The following XRCC2 variants were observed in gnomAD, a reference collection of about 807,000 sequenced individuals.
XRCC2 encodes X-ray repair cross complementing 2, also known as DNA repair protein XRCC2.
In XRCC2, 24 loss-of-function variants were observed where a neutral mutation model predicts 27.3. That is an observed-to-expected ratio of 0.88 (90% CI 0.64 to 1.24). The LOEUF is 1.24. XRCC2 is among the 50% of genes most tolerant of loss of function. The pLI, the probability that XRCC2 is intolerant of heterozygous loss-of-function variation, is 0.00. For missense variants in XRCC2, 321 were observed against 325.8 expected (o/e 0.99, Z 0.11); for synonymous variants, 106 against 115.4 (o/e 0.92, Z 0.52).
intron 1 of XRCC2, among the ~76,000 whole-genome samples, chr7:152,670,110 TGA>T (rs2098037575): frequency 1.3e-5 from 2 of 152,286 alleles, no homozygotes; most frequent in South Asian, 4.1e-4. Context: ...AATTGTGTAC[TGA>T]GAGAGAAATG....
chr7:152,645,962 C>T lies in XRCC2; in HGVS notation c.*2680G>A, dbSNP rs2098025644. On this transcript the variant is annotated 3_prime_UTR_variant, in exon 3 of 3. Transcript: ENST00000359321. ...ATTTTAAAAACCAGCCTAAAACTGT[C>T]ATTTTAACTGGAGTCCTCAGTCCCT... 1 of 152,150 alleles carries T rather than the reference C, an allele frequency of 6.6e-6. No homozygotes were observed. Among genetic ancestry groups the T allele is most frequent in the East Asian group, 1.9e-4 (1 of 5,192 alleles). 9.4% of individuals were successfully genotyped at this position (152,150 alleles called of 1,614,324 possible). A position where few individuals can be genotyped will look rare whatever the true frequency, so the allele number is the denominator to read the frequency against.
intron 1 of XRCC2, 29 bp downstream of exon 1, chr7:152,676,012 T>G (rs2098040901): frequency 6.2e-7 from 1 of 1,613,104 alleles, no homozygotes; most frequent in Non-Finnish European, 8.5e-7. Context: ...TGTTCCCATC[T>G]CCCTCACTCC....
intron 2 of XRCC2, among the ~76,000 whole-genome samples, chr7:152,650,982 T>C (rs964328326): frequency 6.6e-6 from 1 of 152,200 alleles, no homozygotes; most frequent in African/African-American, 2.4e-5. Context: ...TTCTGTTGCC[T>C]AGGCTGGAGT....
In XRCC2 at chr7:152,648,691, A is replaced by T. The variant is rs771671971; in HGVS notation, c.794T>A (p.Leu265Ter). ...LVSRCLKSNS[L>*]KKHFFIIGES... The stretch of plus-strand genomic sequence containing the variant: ...TCCAATAATAAAAAAATGTTTTTTT[A>T]AACTGTTACTTTTTAAACAACGTGA... The change falls in exon 3 of 3, where the codon TTA (leucine) becomes TAA (stop). Residue 265 changes from leucine (L) to a stop codon, truncating the protein, a stop_gained. Transcript: ENST00000359321. LOFTEE classifies it high-confidence loss of function. 4 of 1,606,672 alleles carry T rather than the reference A, an allele frequency of 2.5e-6. No homozygotes were observed. Among genetic ancestry groups the T allele is most frequent in the Middle Eastern group, 1.7e-4 (1 of 6,002 alleles).
intron 1 of XRCC2, among the ~76,000 whole-genome samples, chr7:152,665,919 G>A (rs761817587): frequency 3.3e-5 from 5 of 152,102 alleles, no homozygotes; most frequent in African/African-American, 9.7e-5. Context: ...CTTTCCCAAC[G>A]TGACTTTCTC....
intron 1 of XRCC2, among the ~76,000 whole-genome samples, chr7:152,661,654 T>C (rs571141221): frequency 6.6e-6 from 1 of 152,214 alleles, no homozygotes; most frequent in South Asian, 2.1e-4. Context: ...TCCTAGATAC[T>C]GTAACAGCAC....
chr7:152,655,018 T>C (rs1357258648), intron 2 of XRCC2, among the ~76,000 whole-genome samples: 1 of 152,318 alleles, frequency 6.6e-6, no homozygotes, highest in South Asian at 2.1e-4. Flanking sequence ...TTCAATGTAC[T>C]TGAAGTCACC....
At chr7:152,649,858 T>C (rs1351683934) in intron 2 of XRCC2, among the ~76,000 whole-genome samples, 1 of 152,214 alleles carries the variant, frequency 6.6e-6, no homozygotes, top group Non-Finnish European at 1.5e-5. Context: ...CTGTTGATGA[T>C]TCTTTCCTAT....
intron 1 of XRCC2, among the ~76,000 whole-genome samples, chr7:152,662,668 G>A (rs1424638749): frequency 7.0e-6 from 1 of 143,270 alleles, no homozygotes; most frequent in Non-Finnish European, 1.5e-5. Context: ...CGCCTCCCGG[G>A]TTCACGCCAT....
rs749779141 is a variant in XRCC2 at position 152,648,751 on chromosome 7, T to C, written c.734A>G (p.Asp245Gly). 9 of 1,614,120 alleles carry C rather than the reference T, an allele frequency of 5.6e-6. No individual in the cohort carries two copies. The Admixed American group carries it at 6.7e-5, about 12-fold the overall frequency. Residue 245 changes from aspartate to glycine, a missense_variant, in exon 3 of 3, where the codon GAT (aspartate) becomes GGT (glycine). Coordinates refer to ENST00000359321, the MANE Select transcript of XRCC2 (RefSeq NM_005431.2). ...AAATTGGTTGCTGCTTTGAGAATCA[T>C]CTTGTTTGGAGAAAAACATCCTGTG... ...VKHRMFFSKQ[D>G]DSQSSNQFSL...
intron 1 of XRCC2, among the ~76,000 whole-genome samples, chr7:152,661,635 G>C (rs1281877163): frequency 3.9e-5 from 6 of 152,194 alleles, no homozygotes; most frequent in Non-Finnish European, 8.8e-5. Flanking sequence ...ACTGTGAGCA[G>C]CTTTGAACTC....
intron 2 of XRCC2, among the ~76,000 whole-genome samples, chr7:152,660,334 T>C (rs1348921870): frequency 6.6e-6 from 1 of 152,214 alleles, no homozygotes; most frequent in Non-Finnish European, 1.5e-5. Context: ...CGCACGCCCT[T>C]AGTAAGTTTT....
At chr7:152,675,897 G>C in intron 1 of XRCC2, 144 bp downstream of exon 1, 1 of 1,060,482 alleles carries the variant, frequency 9.4e-7, no homozygotes. Context: ...TGCCAGCATC[G>C]CGGGCGTCTA....
intron 1 of XRCC2, among the ~76,000 whole-genome samples, chr7:152,669,710 G>A (rs568436606): frequency 2.6e-5 from 4 of 151,706 alleles, no homozygotes; most frequent in East Asian, 2.0e-4. Context: ...GCCACTTACC[G>A]GTGAACATTT....
intron 2 of XRCC2, among the ~76,000 whole-genome samples, chr7:152,658,296 G>A (rs939360401): frequency 2.6e-5 from 4 of 151,960 alleles, no homozygotes; most frequent in South Asian, 2.1e-4. Flanking sequence ...GACTGCAGGC[G>A]CCTGCCACCA....
chr7:152,649,502 C>T (rs2098027596), intron 2 of XRCC2, 139 bp from the exon 3 acceptor site: 4 of 1,093,088 alleles, frequency 3.7e-6, no homozygotes, highest in Admixed American at 3.0e-5. Context: ...CAAAATGGAG[C>T]TGTACAAGCA....
At position 152,648,674 on chromosome 7, in the gene XRCC2, T is replaced by C. The variant is rs587780132; in HGVS notation, c.811A>G (p.Ile271Val). Residue 271 changes from isoleucine to valine, a missense_variant, in exon 3 of 3, where the codon ATT becomes GTT. By Grantham distance (29) the Ile-to-Val change is conservative (BLOSUM62 3). Transcript: ENST00000359321. ...AATTCAACCCCACTTTCTCCAATAA[T>C]AAAAAAATGTTTTTTTAAACTGTTA... Reference protein sequence around the residue: ...KSNSLKKHFFIIGESGVEFC With the variant: ...KSNSLKKHFFVIGESGVEFC 25 of 1,607,534 alleles carry C rather than the reference T, an allele frequency of 1.6e-5. No individual in the cohort carries two copies. Among genetic ancestry groups the C allele is most frequent in the Non-Finnish European group, 2.0e-5 (24 of 1,177,592 alleles).
rs146700851 is a variant in XRCC2, at chr7:152,649,185, T to C, written c.300A>G (p.Leu100=). Residue 100 remains leucine, a synonymous_variant, in exon 3 of 3, where the codon CTA becomes CTG. Coordinates refer to ENST00000359321, the MANE Select transcript of XRCC2 (RefSeq NM_005431.2). ...TGATTATTTCTTCAGAGCTTTGGGA[T>C]AGTCTGTGCTCAAGAATTGTAACTA... ...LRLVTILEHR[L]SQSSEEIIKY... is the part of the protein sequence containing the mutation. 388 of 1,613,792 alleles carry C rather than the reference T, an allele frequency of 2.4e-4. 8 individuals are homozygous for C. In the South Asian group the frequency reaches 4.1e-3, roughly 17 times the overall value.
Position 152,647,122 on chromosome 7 carries a change from C to T in XRCC2, c.*1520G>A, listed in dbSNP as rs936142612. On this transcript the variant is annotated 3_prime_UTR_variant, in exon 3 of 3. Coordinates refer to ENST00000359321, the MANE Select transcript of XRCC2 (RefSeq NM_005431.2). ...TTTGGACTGGTGTGAGATGGTATCT[C>T]GTTGTTGTTTCGATTTGCATTTCTC... The T allele has an allele frequency of 6.6e-6, 1 of 152,142 alleles. No homozygotes were observed. 9.4% of individuals were successfully genotyped at this position (152,142 alleles called of 1,614,324 possible).
Sources: gnomAD v4.1 joint callset for allele counts (sites outside exome capture counted in the v4.1 genomes callset) on GRCh38, gnomAD v4.1.1 for gene constraint, MANE v1.5 for transcripts, NCBI Gene and HGNC (gene_info 2026-07-23, HGNC 2026-07-21) for gene names.